Variants in CDC42EP3 observed in about 807,000 individuals in gnomAD.
CDC42EP3 encodes the protein CDC42 effector protein 3, also known as CDC42 effector protein (Rho GTPase binding) 3.
In CDC42EP3, 4 loss-of-function variants were observed where a neutral mutation model predicts 15.5. The ratio of observed to expected loss-of-function variants is 0.26; its 90% CI spans 0.13 to 0.59. CDC42EP3 has a LOEUF of 0.59. CDC42EP3 is among the 20% of genes least tolerant of loss of function. CDC42EP3 has a pLI of 0.89. For missense variants in CDC42EP3, 309 were observed against 311.2 expected (o/e 0.99, Z 0.05); for synonymous variants, 145 against 130.3 (o/e 1.11, Z -0.77).
chr2:37,659,481 A>G (rs1665986453), intron 1 of CDC42EP3, among the ~76,000 whole-genome samples: 1 of 152,224 alleles, frequency 6.6e-6, no homozygotes, highest in Non-Finnish European at 1.5e-5. Flanking sequence ...TGGCAAATAT[A>G]CAGATAAAAA....
At chr2:37,649,139 GCA>G in intron 1 of CDC42EP3, among the ~76,000 whole-genome samples, 1 of 150,288 alleles carries the variant, frequency 6.7e-6, no homozygotes, top group Middle Eastern at 3.5e-3. Context: ...GGGCAACATA[GCA>G]AGACCCTGTC....
chr2:37,655,506 A>G (rs983108317), intron 1 of CDC42EP3, among the ~76,000 whole-genome samples: 1 of 152,196 alleles, frequency 6.6e-6, no homozygotes, highest in Non-Finnish European at 1.5e-5. Context: ...CTTTTTTCCT[A>G]TAAAAATGAG....
intron 1 of CDC42EP3, among the ~76,000 whole-genome samples, chr2:37,661,579 T>G (rs1279496203): frequency 6.6e-6 from 1 of 152,192 alleles, no homozygotes; most frequent in Non-Finnish European, 1.5e-5. Context: ...GTCCTGCTTT[T>G]GGGTTAACAT....
At chr2:37,652,601 G>T (rs1665726311) in intron 1 of CDC42EP3, among the ~76,000 whole-genome samples, 1 of 152,036 alleles carries the variant, frequency 6.6e-6, no homozygotes, top group African/African-American at 2.4e-5. Context: ...AAGTCATGTG[G>T]TCACCCAGGC....
Position 37,642,596 on chromosome 2 carries a change from G to A in CDC42EP3, c.*3227C>T, listed in dbSNP as rs1326075458. On this transcript the variant is annotated 3_prime_UTR_variant, in exon 2 of 2. Coordinates refer to ENST00000295324, the MANE Select transcript of CDC42EP3 (RefSeq NM_006449.5). ...CCATCATGTTGGCTCATTCTATTGT[G>A]TTTATATATTTCACAGTAAAATGAT... 1 of 152,146 alleles carries A rather than the reference G, an allele frequency of 6.6e-6. No individual in the cohort carries two copies. Among genetic ancestry groups the A allele is most frequent in the Non-Finnish European group, 1.5e-5 (1 of 68,024 alleles). 9.4% of individuals were successfully genotyped at this position (152,146 alleles called of 1,614,324 possible).
chr2:37,663,903 G>A (rs974260622), intron 1 of CDC42EP3, among the ~76,000 whole-genome samples: 7 of 152,092 alleles, frequency 4.6e-5, no homozygotes, highest in South Asian at 2.1e-4. Flanking sequence ...GGCCGGGCGC[G>A]GTGGCTCATG....
chr2:37,659,424 G>T (rs1036914860), intron 1 of CDC42EP3, among the ~76,000 whole-genome samples: 1 of 152,208 alleles, frequency 6.6e-6, no homozygotes, highest in African/African-American at 2.4e-5. Flanking sequence ...TAATTTAACA[G>T]TGTATCAATG....
Position 37,645,569 on chromosome 2 carries a change from C to G in CDC42EP3, c.*254G>C, listed in dbSNP as rs187861124. 1.8e-5 allele frequency: 6 copies of G among 332,094 alleles called. No homozygotes were observed. The East Asian group carries it at 3.1e-4, about 17-fold the overall frequency. The allele number at this position is 332,094 out of a possible 1,614,324, so 20.6% of individuals were successfully genotyped here. A position where few individuals can be genotyped will look rare whatever the true frequency, so the allele number is the denominator to read the frequency against. On this transcript the variant is annotated 3_prime_UTR_variant, in exon 2 of 2. Coordinates refer to ENST00000295324, the MANE Select transcript of CDC42EP3 (RefSeq NM_006449.5). ...TGTGTGTCTGCAAACAATATGTGAG[C>G]CGAACATCACCAATGCCTCCTGAAA... is the stretch of plus-strand genomic sequence containing the variant.
At chr2:37,656,445 C>G (rs916668390) in intron 1 of CDC42EP3, among the ~76,000 whole-genome samples, 6 of 152,146 alleles carry the variant, frequency 3.9e-5, no homozygotes, top group African/African-American at 1.4e-4. Flanking sequence ...GACTTGCTCC[C>G]GGGGGCCAAA....
At chr2:37,653,869 C>T (rs1205078769) in intron 1 of CDC42EP3, among the ~76,000 whole-genome samples, 1 of 152,176 alleles carries the variant, frequency 6.6e-6, no homozygotes, top group African/African-American at 2.4e-5. Flanking sequence ...CCCCCAGGGA[C>T]CTGCGGCTCT....
chr2:37,646,608 A>G lies in CDC42EP3; in HGVS notation c.-21T>C, dbSNP rs746787365. The G allele has an allele frequency of 4.6e-6, 7 of 1,523,266 alleles. No homozygotes were observed. Among genetic ancestry groups the G allele is most frequent in the South Asian group, 2.7e-5 (2 of 75,098 alleles). 94.4% of individuals were successfully genotyped at this position (1,523,266 alleles called of 1,614,324 possible). A position where few individuals can be genotyped will look rare whatever the true frequency, so the allele number is the denominator to read the frequency against. ...GGCATTTTGGAATTTGAGAATGTCT[A>G]TTTTGCAAGCGGGAGAAAGGGCCAC... On this transcript the variant is annotated 5_prime_UTR_variant, in exon 2 of 2. Transcript: ENST00000295324.
At chr2:37,654,954 T>C (rs2124622175) in intron 1 of CDC42EP3, among the ~76,000 whole-genome samples, 1 of 152,352 alleles carries the variant, frequency 6.6e-6, no homozygotes, top group Non-Finnish European at 1.5e-5. Context: ...TTAAGTTCAA[T>C]GCTGAATTTC....
intron 1 of CDC42EP3, among the ~76,000 whole-genome samples, chr2:37,649,392 C>A (rs1425581515): frequency 8.0e-6 from 1 of 125,778 alleles, no homozygotes; most frequent in Non-Finnish European, 1.6e-5. Flanking sequence ...GAATTCAAGG[C>A]TGCGGAGAGC....
chr2:37,663,321 A>C (rs1399302323), intron 1 of CDC42EP3, among the ~76,000 whole-genome samples: 1 of 152,230 alleles, frequency 6.6e-6, no homozygotes, highest in Non-Finnish European at 1.5e-5. Flanking sequence ...AGGCCGCAGC[A>C]ATGATGCACT....
intron 1 of CDC42EP3, among the ~76,000 whole-genome samples, chr2:37,668,307 T>C (rs1666305877): frequency 6.6e-6 from 1 of 152,188 alleles, no homozygotes; most frequent in Non-Finnish European, 1.5e-5. Context: ...CAGTATTAAG[T>C]ACCTAGGAAA....
chr2:37,649,963 G>A (rs78124974), intron 1 of CDC42EP3, among the ~76,000 whole-genome samples: 16 of 152,176 alleles, frequency 1.1e-4, no homozygotes, highest in African/African-American at 3.9e-4. Context: ...TTTACTGCAT[G>A]ATGGGGCATA....
chr2:37,671,773 G>C (rs1666433459), upstream of CDC42EP3: 2 of 150,210 alleles, frequency 1.3e-5, no homozygotes, highest in African/African-American at 2.4e-5. Context: ...TCCCAGCCGC[G>C]GTACCTGTGC....
rs377526492 is a variant in CDC42EP3, at chr2:37,646,651, T to A, written c.-64A>T. ...AGGGCCACTTTCTTCACAGATGGTA[T>A]ATGTTTCTGAATCCTTTTTGATAGG... On this transcript the variant is annotated 5_prime_UTR_variant, in exon 2 of 2. Transcript: ENST00000295324. 6.4e-5 allele frequency: 90 copies of A among 1,415,720 alleles called. No homozygotes were observed. The African/African-American group carries it at 1.1e-3, about 17-fold the overall frequency. The allele number at this position is 1,415,720 out of a possible 1,614,324, so 87.7% of individuals were successfully genotyped here.
upstream of CDC42EP3, chr2:37,671,795 G>C (rs1432273005): frequency 8.8e-6 from 1 of 114,134 alleles, no homozygotes; most frequent in Middle Eastern, 4.1e-3. Flanking sequence ...CTGGCCCGGG[G>C]CCAACCGGTG....
Sources: gnomAD v4.1 joint callset for allele counts (sites outside exome capture counted in the v4.1 genomes callset) on GRCh38, gnomAD v4.1.1 for gene constraint, MANE v1.5 for transcripts, NCBI Gene and HGNC (gene_info 2026-07-23, HGNC 2026-07-21) for gene names.